The following MMP26 variants were observed in gnomAD, a reference collection of about 807,000 sequenced individuals.
MMP26 encodes matrix metalloproteinase-26.
In MMP26, 33 loss-of-function variants were observed where a neutral mutation model predicts 31.0. That is an observed-to-expected ratio of 1.06 (90% CI 0.81 to 1.42). The LOEUF (loss-of-function observed/expected upper bound fraction) is 1.42. Ranked by LOEUF, MMP26 falls within the 40% of genes most tolerant of loss-of-function variation. The pLI is 0.00. For missense variants in MMP26, 347 were observed against 316.1 expected (o/e 1.10, Z -0.74); for synonymous variants, 122 against 114.9 (o/e 1.06, Z -0.40).
chr11:4,827,086 G>A (rs1216869785), intron 2 of MMP26, among the ~76,000 whole-genome samples: 1 of 152,132 alleles, frequency 6.6e-6, no homozygotes, highest in African/African-American at 2.4e-5. Flanking sequence ...TAGGTTGAGA[G>A]GTTTTCAGAT....
At chr11:4,898,825 CTCTCTCTGTGTGTGTGTG>C (rs1202932118) in intron 2 of MMP26, among the ~76,000 whole-genome samples, 2 of 50,948 alleles carry the variant, frequency 3.9e-5, no homozygotes, top group African/African-American at 7.5e-5. Flanking sequence ...CTCTCTCTCT[CTCTCTCTGTGTGTGTGTG>C]TGTGTGTGTG....
At chr11:4,896,342 A>G (rs1469245037) in intron 2 of MMP26, among the ~76,000 whole-genome samples, 1 of 152,118 alleles carries the variant, frequency 6.6e-6, no homozygotes. Context: ...TCCTTGATCT[A>G]TCTTCTGAGT....
At chr11:4,910,580 T>C (rs1850975577) in intron 2 of MMP26, among the ~76,000 whole-genome samples, 1 of 152,130 alleles carries the variant, frequency 6.6e-6, no homozygotes, top group Non-Finnish European at 1.5e-5. Context: ...TTGCTCCAAG[T>C]ACAACAAACT....
intron 1 of MMP26, among the ~76,000 whole-genome samples, chr11:4,730,135 C>T (rs186011550): frequency 6.1e-4 from 93 of 152,198 alleles, no homozygotes; most frequent in African/African-American, 2.1e-3. Flanking sequence ...ACTGTGTTCC[C>T]ATTGGTCTTT....
intron 2 of MMP26, chr11:4,946,755 C>A (rs763335561): frequency 6.3e-7 from 1 of 1,588,254 alleles, no homozygotes; most frequent in African/African-American, 1.4e-5. Context: ...ATCAGGAGGA[C>A]TGAGGACTCC....
At chr11:4,935,457 C>T (rs758389735) in intron 2 of MMP26, among the ~76,000 whole-genome samples, 1,714 of 149,406 alleles carry the variant, frequency 0.011, 10 homozygotes, top group Middle Eastern at 0.021. Context: ...AGTTGCTTAT[C>T]AGCTTAAGGA....
intron 2 of MMP26, chr11:4,769,923 C>T: frequency 6.6e-7 from 1 of 1,514,788 alleles, no homozygotes; most frequent in African/African-American, 1.4e-5. Flanking sequence ...TCCATGGTGT[C>T]CTGGTTTTGC....
intron 2 of MMP26, among the ~76,000 whole-genome samples, chr11:4,986,118 T>C (rs1846882484): frequency 6.6e-6 from 1 of 152,210 alleles, no homozygotes; most frequent in Non-Finnish European, 1.5e-5. Flanking sequence ...GTTGATGAAG[T>C]ATTTCGTTAA....
chr11:4,991,589 G>A, intron 6 of MMP26, 93 bp downstream of exon 6: 2 of 1,491,852 alleles, frequency 1.3e-6, no homozygotes, highest in African/African-American at 1.4e-5. Context: ...AGTGGTCAGG[G>A]TGAGGTGGAA....
intron 2 of MMP26, among the ~76,000 whole-genome samples, chr11:4,846,250 A>G (rs1403971473): frequency 6.6e-6 from 1 of 152,200 alleles, no homozygotes; most frequent in Non-Finnish European, 1.5e-5. Context: ...ATCATTTGCA[A>G]CAGTATGGAT....
chr11:4,940,965 A>G (rs1182221209), intron 2 of MMP26, among the ~76,000 whole-genome samples: 1 of 152,136 alleles, frequency 6.6e-6, no homozygotes, highest in African/African-American at 2.4e-5. Flanking sequence ...AGGCTTATTG[A>G]CCATTTAAAT....
chr11:4,956,444 T>C (rs149630594), intron 2 of MMP26, among the ~76,000 whole-genome samples: 1 of 152,314 alleles, frequency 6.6e-6, no homozygotes, highest in East Asian at 1.9e-4. Context: ...GTAACACCTG[T>C]AATAAGGGAT....
intron 2 of MMP26, among the ~76,000 whole-genome samples, chr11:4,798,128 C>A (rs777804900): frequency 5.3e-5 from 8 of 152,138 alleles, no homozygotes; most frequent in African/African-American, 1.7e-4. Context: ...TTACGACGGC[C>A]CATACTTAAG....
chr11:4,718,334 CAT>C (rs1311230465), intron 1 of MMP26, among the ~76,000 whole-genome samples: 1 of 152,298 alleles, frequency 6.6e-6, no homozygotes, highest in African/African-American at 2.4e-5. Context: ...ACTTATCAGA[CAT>C]GTGAACTTAA....
At chr11:4,979,858 A>AT (rs1846788845) in intron 2 of MMP26, among the ~76,000 whole-genome samples, 1 of 152,112 alleles carries the variant, frequency 6.6e-6, no homozygotes, top group Admixed American at 6.6e-5. Context: ...GCAGAAAACA[A>AT]TAATTTAAAA....
At position 4,903,767 on chromosome 11, in the gene MMP26, A is replaced by G. The variant is rs145202729; in HGVS notation, c.-144-84301A>G. 2.6e-3 allele frequency: 396 copies of G among 152,250 alleles called. 1 individual carries two copies. The highest frequency in any genetic ancestry group is 9.1e-3 in the African/African-American group (378 of 41,574). 9.4% of individuals were successfully genotyped at this position (152,250 alleles called of 1,614,324 possible). ...GTGAAAGTGGAGAATTCTTGTTTTT[A>G]TCCTTCAGGAACTTACTGAGCATCT... On this transcript the variant is annotated intron_variant, in intron 2 of 7. Transcript: ENST00000380390.
chr11:4,961,314 A>T (rs1016982729), intron 2 of MMP26, among the ~76,000 whole-genome samples: 1 of 152,200 alleles, frequency 6.6e-6, no homozygotes, highest in African/African-American at 2.4e-5. Flanking sequence ...GTAAAAGACT[A>T]ATTTGGCTTC....
intron 1 of MMP26, among the ~76,000 whole-genome samples, chr11:4,708,526 A>G (rs988663483): frequency 6.6e-6 from 1 of 152,188 alleles, no homozygotes; most frequent in African/African-American, 2.4e-5. Flanking sequence ...ACACACTAAC[A>G]CTGTAGGTAT....
chr11:4,891,573 C>T (rs1375315640), intron 2 of MMP26, among the ~76,000 whole-genome samples: 6 of 152,178 alleles, frequency 3.9e-5, no homozygotes, highest in African/African-American at 9.7e-5. Flanking sequence ...TTTTTACCCA[C>T]AAGCTCTTCA....
Sources: allele counts gnomAD v4.1 joint callset (sites outside exome capture counted in the v4.1 genomes callset), GRCh38; gene constraint gnomAD v4.1.1; transcripts MANE v1.5; gene names NCBI Gene and HGNC (gene_info 2026-07-23, HGNC 2026-07-21).